Variants in MAF observed in about 807,000 individuals in gnomAD.
MAF encodes the protein transcription factor Maf.
Under a neutral mutation model 22.0 loss-of-function variants are expected in MAF, and 10 were observed. The ratio of observed to expected loss-of-function variants is 0.45; its 90% CI spans 0.28 to 0.77. MAF has a LOEUF of 0.77. MAF is among the 30% of genes least tolerant of loss of function. MAF has a pLI of 0.12. For missense variants in MAF, 544 were observed against 548.4 expected (o/e 0.99, Z 0.08); for synonymous variants, 337 against 255.8 (o/e 1.32, Z -3.03).
chr16:79,495,295 C>T, the MAF span, among the ~76,000 whole-genome samples: 22 of 152,014 alleles, frequency 1.4e-4, no homozygotes, highest in Admixed American at 1.4e-3. Flanking sequence ...GACCCCATCC[C>T]TAAAAAAACA....
chr16:79,434,797 G>C, the MAF span, among the ~76,000 whole-genome samples: 1 of 152,106 alleles, frequency 6.6e-6, no homozygotes, highest in Admixed American at 6.6e-5. Context: ...ATAAAGAAAA[G>C]AGTAGAATAT....
At chr16:79,547,901 T>TGTGA in the MAF span, among the ~76,000 whole-genome samples, 107 of 137,372 alleles carry the variant, frequency 7.8e-4, no homozygotes, top group African/African-American at 2.6e-3. Flanking sequence ...TGTGTGTGTG[T>TGTGA]GAGAGAGAGA....
the MAF span, among the ~76,000 whole-genome samples, chr16:79,408,058 G>A: frequency 1.6e-4 from 13 of 83,602 alleles, no homozygotes; most frequent in Non-Finnish European, 8.6e-5. Context: ...TTAACTACAT[G>A]TATTTGGCTT....
At chr16:79,568,203 G>C in the MAF span, among the ~76,000 whole-genome samples, 1 of 152,228 alleles carries the variant, frequency 6.6e-6, no homozygotes, top group Admixed American at 6.5e-5. Context: ...CTCTGCGGCT[G>C]TAGTTCAGAT....
the MAF span, among the ~76,000 whole-genome samples, chr16:79,388,361 G>A: frequency 1.3e-5 from 2 of 151,424 alleles, no homozygotes; most frequent in South Asian, 4.2e-4. Context: ...AAAGCCAAAT[G>A]TCTGCTCTTA....
chr16:79,475,446 A>G, the MAF span, among the ~76,000 whole-genome samples: 4 of 151,612 alleles, frequency 2.6e-5, no homozygotes, highest in African/African-American at 9.7e-5. Flanking sequence ...TTAAACGAAC[A>G]ATGCACTTCA....
the MAF span, among the ~76,000 whole-genome samples, chr16:79,407,823 T>G: frequency 1.3e-5 from 2 of 152,104 alleles, no homozygotes; most frequent in Non-Finnish European, 2.9e-5. Flanking sequence ...GCTCGCGGCT[T>G]CGTTTCATGA....
chr16:79,251,907 G>A, the MAF span, among the ~76,000 whole-genome samples: 1 of 152,224 alleles, frequency 6.6e-6, no homozygotes, highest in African/African-American at 2.4e-5. Context: ...ATGTGTGTGT[G>A]TGTTTGGTTA....
the MAF span, among the ~76,000 whole-genome samples, chr16:79,545,124 G>A: frequency 6.6e-6 from 1 of 152,118 alleles, no homozygotes; most frequent in East Asian, 1.9e-4. Context: ...ATATTAAATA[G>A]ATGATCTCAG....
the MAF span, among the ~76,000 whole-genome samples, chr16:79,322,823 T>C: frequency 1.3e-5 from 2 of 151,960 alleles, no homozygotes; most frequent in South Asian, 4.2e-4. Flanking sequence ...CCGGACCCCA[T>C]AGTCCCTGCC....
the MAF span, among the ~76,000 whole-genome samples, chr16:79,513,336 G>C: frequency 6.6e-6 from 1 of 152,242 alleles, no homozygotes; most frequent in East Asian, 1.9e-4. Context: ...CCAAAAGCGT[G>C]TCACAAAACC....
At chr16:79,339,198 T>C in the MAF span, among the ~76,000 whole-genome samples, 1 of 151,978 alleles carries the variant, frequency 6.6e-6, no homozygotes. Context: ...GCCTCTCGAG[T>C]AGCTGGTACT....
At chr16:79,368,008 G>A in the MAF span, among the ~76,000 whole-genome samples, 2 of 152,120 alleles carry the variant, frequency 1.3e-5, no homozygotes, top group African/African-American at 4.8e-5. Context: ...TTTGTTCAAC[G>A]AGTGACAAGT....
the MAF span, among the ~76,000 whole-genome samples, chr16:79,446,126 A>T: frequency 6.6e-6 from 1 of 152,166 alleles, no homozygotes; most frequent in East Asian, 1.9e-4. Flanking sequence ...AGGAGGAAGG[A>T]AAGGAGCTGT....
the MAF span, among the ~76,000 whole-genome samples, chr16:79,426,701 T>C: frequency 6.6e-6 from 1 of 152,178 alleles, no homozygotes; most frequent in Admixed American, 6.5e-5. Flanking sequence ...GTCACAGAGA[T>C]TGATTCACAG....
the MAF span, among the ~76,000 whole-genome samples, chr16:79,344,730 C>A: frequency 5.3e-5 from 8 of 152,148 alleles, no homozygotes; most frequent in African/African-American, 1.9e-4. Flanking sequence ...GTTATACCAT[C>A]CTGTTTATTT....
the MAF span, among the ~76,000 whole-genome samples, chr16:79,512,016 C>T: frequency 6.6e-6 from 1 of 152,200 alleles, no homozygotes; most frequent in African/African-American, 2.4e-5. Context: ...TAACCTGACA[C>T]CCAGTGCACG....
chr16:79,343,185 G>A, the MAF span, among the ~76,000 whole-genome samples: 2 of 152,146 alleles, frequency 1.3e-5, no homozygotes, highest in African/African-American at 2.4e-5. Flanking sequence ...GTGTCCTGGT[G>A]CCACAAATCT....
chr16:79,510,865 A>G, the MAF span, among the ~76,000 whole-genome samples: 1 of 151,100 alleles, frequency 6.6e-6, no homozygotes, highest in Non-Finnish European at 1.5e-5. Context: ...GCAAGTGTGC[A>G]TTTGTGTGTC....
Sources: allele counts gnomAD v4.1 joint callset (sites outside exome capture counted in the v4.1 genomes callset), GRCh38; gene constraint gnomAD v4.1.1; transcripts MANE v1.5; gene names NCBI Gene and HGNC (gene_info 2026-07-23, HGNC 2026-07-21).